TMTC2: variants seen among roughly 807,000 people sequenced by gnomAD.
The protein encoded by TMTC2 is protein O-mannosyl-transferase TMTC2.
A neutral mutation model predicts 82.4 loss-of-function variants in TMTC2; 43 were observed. The ratio of observed to expected loss-of-function variants is 0.52; its 90% CI spans 0.41 to 0.67. The LOEUF is 0.67. Ranked by LOEUF, TMTC2 falls within the 30% of genes least tolerant of loss-of-function variation. TMTC2 has a pLI of 0.00. For synonymous variants in TMTC2, 408 were observed against 381.9 expected (o/e 1.07, Z -0.80); for missense variants, 919 against 1,012.4 (o/e 0.91, Z 1.25).
At chr12:82,691,997 A>G (rs1366960317) in intron 1 of TMTC2, among the ~76,000 whole-genome samples, 1 of 152,190 alleles carries the variant, frequency 6.6e-6, no homozygotes, top group East Asian at 1.9e-4. Flanking sequence ...GATTGTTTAA[A>G]CAAACCTATT....
intron 6 of TMTC2, 130 bp downstream of exon 6, chr12:82,965,874 T>G (rs1427471613): frequency 1.1e-6 from 1 of 949,214 alleles, no homozygotes; most frequent in Admixed American, 2.3e-5. Flanking sequence ...TAAACTATTG[T>G]CCTTTGAGAA....
intron 1 of TMTC2, among the ~76,000 whole-genome samples, chr12:82,806,814 G>C (rs1028744737): frequency 6.6e-6 from 1 of 152,124 alleles, no homozygotes; most frequent in African/African-American, 2.4e-5. Flanking sequence ...GAAGAGGGGG[G>C]TTGGTCTTGC....
chr12:82,937,954 G>T (rs537305116), intron 4 of TMTC2, among the ~76,000 whole-genome samples: 1 of 134,374 alleles, frequency 7.4e-6, no homozygotes, highest in African/African-American at 2.9e-5. Context: ...TTACGCTGTC[G>T]CCCAGGGTGG....
chr12:82,701,239 A>G (rs1873061964), intron 1 of TMTC2, among the ~76,000 whole-genome samples: 1 of 152,164 alleles, frequency 6.6e-6, no homozygotes, highest in Admixed American at 6.5e-5. Flanking sequence ...ATACAGACTT[A>G]GTTTACAGAC....
chr12:83,065,689 A>G (rs1363272672), intron 11 of TMTC2, among the ~76,000 whole-genome samples: 1 of 151,868 alleles, frequency 6.6e-6, no homozygotes, highest in Non-Finnish European at 1.5e-5. Flanking sequence ...CTTTAAATAG[A>G]CAACAGTCTT....
At chr12:83,036,453 A>G (rs1009284012) in intron 9 of TMTC2, among the ~76,000 whole-genome samples, 1 of 144,528 alleles carries the variant, frequency 6.9e-6, no homozygotes, top group Non-Finnish European at 1.5e-5. Context: ...TTTGCCATCT[A>G]TCTTATGTTT....
intron 1 of TMTC2, chr12:82,759,775 G>A (rs572909083): frequency 2.0e-5 from 3 of 152,302 alleles, no homozygotes; most frequent in South Asian, 2.1e-4. Flanking sequence ...TTTGTAAAAC[G>A]ATAAATAAAT....
At chr12:83,121,038 T>C (rs1215832915) in intron 11 of TMTC2, among the ~76,000 whole-genome samples, 1 of 152,206 alleles carries the variant, frequency 6.6e-6, no homozygotes, top group Admixed American at 6.5e-5. Context: ...TTTCAGTGAA[T>C]ATTTCTCCCT....
chr12:82,960,434 AC>A (rs768143866), intron 4 of TMTC2, among the ~76,000 whole-genome samples: 95 of 152,110 alleles, frequency 6.2e-4, no homozygotes, highest in Non-Finnish European at 7.9e-4. Flanking sequence ...ACCAGGGAAT[AC>A]TACACAGCCA....
chr12:82,988,762 C>T (rs1291297452), intron 8 of TMTC2, among the ~76,000 whole-genome samples: 1 of 150,830 alleles, frequency 6.6e-6, no homozygotes, highest in Non-Finnish European at 1.5e-5. Flanking sequence ...GAAACTAAAT[C>T]ACAGTAAGGA....
intron 1 of TMTC2, among the ~76,000 whole-genome samples, chr12:82,854,894 C>T (rs1196744527): frequency 6.6e-6 from 1 of 152,010 alleles, no homozygotes; most frequent in African/African-American, 2.4e-5. Context: ...ACCTAATTTC[C>T]CAGGTTATGG....
chr12:82,716,427 G>A (rs895835963), intron 1 of TMTC2, among the ~76,000 whole-genome samples: 2 of 149,612 alleles, frequency 1.3e-5, no homozygotes, highest in Non-Finnish European at 3.0e-5. Flanking sequence ...GCAGTGGCGC[G>A]ATCTCGACTC....
chr12:82,885,082 T>TG (rs953816724), intron 2 of TMTC2, among the ~76,000 whole-genome samples: 3 of 151,498 alleles, frequency 2.0e-5, no homozygotes, highest in African/African-American at 7.3e-5. Flanking sequence ...TTTTTTTTTT[T>TG]TGTAGAGATG....
At chr12:83,001,309 A>G (rs989812010) in intron 8 of TMTC2, among the ~76,000 whole-genome samples, 5 of 152,100 alleles carry the variant, frequency 3.3e-5, no homozygotes, top group African/African-American at 1.2e-4. Context: ...ACAGCACCCA[A>G]GTCATCTCTT....
chr12:83,055,283 G>A (rs909751635), intron 10 of TMTC2, among the ~76,000 whole-genome samples: 1 of 152,050 alleles, frequency 6.6e-6, no homozygotes, highest in Admixed American at 6.6e-5. Flanking sequence ...GCTTGAGAAT[G>A]TGGGATCCTT....
At chr12:83,078,753 A>G (rs1273838888) in intron 11 of TMTC2, among the ~76,000 whole-genome samples, 1 of 151,782 alleles carries the variant, frequency 6.6e-6, no homozygotes, top group Non-Finnish European at 1.5e-5. Context: ...TTTTATCTTC[A>G]CTCTTTTATT....
At chr12:83,110,412 A>G (rs894761114) in intron 11 of TMTC2, among the ~76,000 whole-genome samples, 5 of 152,110 alleles carry the variant, frequency 3.3e-5, no homozygotes, top group African/African-American at 1.2e-4. Context: ...TTCTCAGGCT[A>G]ATTCCTCCCT....
intron 8 of TMTC2, among the ~76,000 whole-genome samples, chr12:82,989,832 A>G (rs1879327033): frequency 6.6e-6 from 1 of 151,914 alleles, no homozygotes; most frequent in Admixed American, 6.6e-5. Context: ...ACTACAATCC[A>G]AATTTTTAAT....
chr12:82,840,645 T>A (rs1236458437), intron 1 of TMTC2, among the ~76,000 whole-genome samples: 1 of 152,220 alleles, frequency 6.6e-6, no homozygotes, highest in Non-Finnish European at 1.5e-5. Flanking sequence ...GCAGAGGTTA[T>A]CTGATGTAGT....
Sources: gnomAD v4.1 joint callset for allele counts (sites outside exome capture counted in the v4.1 genomes callset) on GRCh38, gnomAD v4.1.1 for gene constraint, MANE v1.5 for transcripts, NCBI Gene and HGNC (gene_info 2026-07-23, HGNC 2026-07-21) for gene names.